The following SORCS2 variants were observed in gnomAD, a reference collection of about 807,000 sequenced individuals.
The protein encoded by SORCS2 is VPS10 domain-containing receptor SorCS2.
In SORCS2, 100 loss-of-function variants were observed where a neutral mutation model predicts 141.6. That is an observed-to-expected ratio of 0.71 (90% CI 0.60 to 0.83). SORCS2 has a LOEUF of 0.83. Among genes scored for constraint, SORCS2 ranks in the 40% least tolerant of loss-of-function variants. The pLI is 0.00. For synonymous variants in SORCS2, 789 were observed against 676.9 expected (o/e 1.17, Z -2.57); for missense variants, 1,646 against 1,560.2 (o/e 1.05, Z -0.93).
intron 12 of SORCS2, among the ~76,000 whole-genome samples, chr4:7,703,025 T>C (rs1467109842): frequency 3.9e-5 from 6 of 152,264 alleles, no homozygotes; most frequent in Non-Finnish European, 7.3e-5. Context: ...CTGTGCTCAT[T>C]TGCAGTTTCC....
intron 3 of SORCS2, among the ~76,000 whole-genome samples, chr4:7,556,997 ATCCATTTATCCATCCATCTG>A (rs1224792756): frequency 2.7e-5 from 4 of 147,356 alleles, no homozygotes; most frequent in Admixed American, 7.1e-5. Flanking sequence ...CCGTCCATCT[ATCCATTTATCCATCCATCTG>A]TCCACTCATC....
At chr4:7,234,789 T>C (rs1109908) in intron 1 of SORCS2, among the ~76,000 whole-genome samples, 71,224 of 152,216 alleles carry the variant, frequency 0.47, 16,860 homozygotes, top group Admixed American at 0.53. Context: ...CAGCGCAGCC[T>C]GCCACCCTCT....
Position 7,549,887 on chromosome 4 carries a change from C to T in SORCS2, c.648+18258C>T, listed in dbSNP as rs1445341550. 2.6e-5 allele frequency among the ~76,000 whole-genome samples: 4 copies of T among 152,272 alleles called. No individual in the cohort carries two copies. In the East Asian group the frequency reaches 7.7e-4, roughly 29 times the overall value. On this transcript the variant is annotated intron_variant, in intron 3 of 26. Coordinates refer to ENST00000507866, the MANE Select transcript of SORCS2 (RefSeq NM_020777.3). ...CTAGAATGAAACACATGAGTCCCAC[C>T]CCCATGCCACAGGGCCTGTGAAAGC...
At chr4:7,650,809 G>A (rs1441999358) in intron 4 of SORCS2, among the ~76,000 whole-genome samples, 1 of 149,546 alleles carries the variant, frequency 6.7e-6, no homozygotes. Context: ...CTGTGAGGCG[G>A]CGCCAGCGAC....
chr4:7,682,880 C>T lies in SORCS2; in HGVS notation c.1479C>T (p.Asn493=). ...PSMDMNGKPT[N]CKPPDCHLHL... ...TGGACATGAATGGAAAACCAACCAACTGCAAGCCTGTAAGTACCTCTGCTC... is the reference window on the plus strand; with the variant it reads ...TGGACATGAATGGAAAACCAACCAATTGCAAGCCTGTAAGTACCTCTGCTC... Residue 493 remains asparagine, a synonymous_variant, in exon 10 of 27, where the codon AAC becomes AAT. Transcript: ENST00000507866. The T allele has an allele frequency of 6.2e-7, 1 of 1,613,402 alleles. No homozygotes were observed. The highest frequency in any genetic ancestry group is 8.5e-7 in the Non-Finnish European group (1 of 1,179,684).
intron 1 of SORCS2, among the ~76,000 whole-genome samples, chr4:7,195,154 C>T (rs1173776896): frequency 4.7e-5 from 6 of 127,330 alleles, no homozygotes; most frequent in African/African-American, 9.7e-5. Flanking sequence ...GGTGGGCTTG[C>T]GTCCTCACTG....
At chr4:7,407,453 C>T (rs567124927) in intron 2 of SORCS2, among the ~76,000 whole-genome samples, 2 of 152,222 alleles carry the variant, frequency 1.3e-5, no homozygotes, top group African/African-American at 4.8e-5. Context: ...TGTCTTTTTA[C>T]AGGCTTTGAT....
intron 1 of SORCS2, among the ~76,000 whole-genome samples, chr4:7,327,090 G>A (rs558818299): frequency 5.3e-5 from 8 of 152,340 alleles, no homozygotes; most frequent in East Asian, 3.9e-4. Context: ...TTCACGGGGG[G>A]CTGGCAGGCC....
intron 10 of SORCS2, among the ~76,000 whole-genome samples, chr4:7,687,525 A>G (rs999693651): frequency 1.3e-5 from 2 of 152,146 alleles, no homozygotes; most frequent in African/African-American, 4.8e-5. Flanking sequence ...CGGAACCCTC[A>G]GATGGCTCTC....
chr4:7,636,254 C>T (rs998359477), intron 3 of SORCS2, among the ~76,000 whole-genome samples: 1 of 151,960 alleles, frequency 6.6e-6, no homozygotes, highest in African/African-American at 2.4e-5. Context: ...GCTTTGGGTC[C>T]CCTGTTAGGA....
At position 7,372,541 on chromosome 4, in the gene SORCS2, C is replaced by T. The variant is rs1039061200; in HGVS notation, c.481-23747C>T. On this transcript the variant is annotated intron_variant, in intron 1 of 26. Coordinates refer to ENST00000507866, the MANE Select transcript of SORCS2 (RefSeq NM_020777.3). ...CAGGCTGATCTTGAACTCCTGACCT[C>T]GGGTGATCCATCCACCTGGGCCTCC... 3.9e-5 allele frequency among the ~76,000 whole-genome samples: 6 copies of T among 152,202 alleles called. No homozygotes were observed. In the East Asian group the frequency reaches 7.7e-4, roughly 20 times the overall value.
chr4:7,288,096 G>A (rs1443342162), intron 1 of SORCS2, among the ~76,000 whole-genome samples: 2 of 152,166 alleles, frequency 1.3e-5, no homozygotes, highest in African/African-American at 4.8e-5. Context: ...GGGGCTCCCC[G>A]GGGTTTCGAT....
intron 1 of SORCS2, among the ~76,000 whole-genome samples, chr4:7,304,446 A>T (rs1036252939): frequency 2.0e-5 from 3 of 152,282 alleles, no homozygotes; most frequent in Admixed American, 2.0e-4. Flanking sequence ...ACTGATGGAG[A>T]AGAGGCGGAT....
intron 1 of SORCS2, among the ~76,000 whole-genome samples, chr4:7,363,224 TACCATCATCACCACCATC>T (rs1195290890): frequency 7.4e-5 from 11 of 148,266 alleles, no homozygotes; most frequent in Non-Finnish European, 1.3e-4. Context: ...CCACCATTAC[TACCATCATCACCACCATC>T]ACCATCATCA....
intron 11 of SORCS2, among the ~76,000 whole-genome samples, chr4:7,692,670 CCG>C (rs1056465272): frequency 2.8e-4 from 43 of 152,288 alleles, no homozygotes; most frequent in African/African-American, 8.9e-4. Flanking sequence ...CATCCTGATG[CCG>C]AGTGTTCCTA....
rs79163485 is a variant in SORCS2, at chr4:7,349,724, C to T, written c.481-46564C>T. Among the ~76,000 whole-genome samples the T allele has an allele frequency of 5.1e-3, 783 of 152,268 alleles. 5 individuals are homozygous for T. Among genetic ancestry groups the T allele is most frequent in the Non-Finnish European group, 8.6e-3 (584 of 68,026 alleles). ...CCAGTGCCCAGGTGCTGCGGAGGTC[C>T]AGGCCTGGCCTTTTGTTGGCATTCC... is the stretch of plus-strand genomic sequence containing the variant. On this transcript the variant is annotated intron_variant, in intron 1 of 26. Transcript: ENST00000507866.
chr4:7,588,620 A>T (rs1239567858), intron 3 of SORCS2, among the ~76,000 whole-genome samples: 1 of 152,146 alleles, frequency 6.6e-6, no homozygotes, highest in Non-Finnish European at 1.5e-5. Context: ...TTACCAGCAG[A>T]TGTGGCAACT....
At chr4:7,387,594 C>T (rs1345669541) in intron 1 of SORCS2, among the ~76,000 whole-genome samples, 4 of 148,646 alleles carry the variant, frequency 2.7e-5, no homozygotes, top group Non-Finnish European at 5.9e-5. Context: ...TACAGGTACA[C>T]AGAGAAACGC....
chr4:7,619,824 C>T (rs1187710018), intron 3 of SORCS2, among the ~76,000 whole-genome samples: 1 of 152,096 alleles, frequency 6.6e-6, no homozygotes, highest in Non-Finnish European at 1.5e-5. Context: ...TAGGAGCACA[C>T]GCATGTACAC....
Sources: gnomAD v4.1 joint callset for allele counts (sites outside exome capture counted in the v4.1 genomes callset) on GRCh38, gnomAD v4.1.1 for gene constraint, MANE v1.5 for transcripts, NCBI Gene and HGNC (gene_info 2026-07-23, HGNC 2026-07-21) for gene names.